The following CHRNB4 variants were observed in gnomAD, a reference collection of about 807,000 sequenced individuals.
CHRNB4 encodes the protein cholinergic receptor nicotinic beta 4 subunit, also known as neuronal acetylcholine receptor subunit beta-4.
CHRNB4 carries 23 observed loss-of-function variants against 40.4 expected under a neutral mutation model. The observed-to-expected ratio is 0.57, with a 90% CI of 0.41 to 0.81. CHRNB4 has a LOEUF of 0.81. Ranked by LOEUF, CHRNB4 falls within the 30% of genes least tolerant of loss-of-function variation. The pLI, the probability that CHRNB4 is intolerant of heterozygous loss-of-function variation, is 0.00. For synonymous variants in CHRNB4, 285 were observed against 274.4 expected (o/e 1.04, Z -0.38); for missense variants, 568 against 670.6 (o/e 0.85, Z 1.69).
In CHRNB4 at chr15:78,629,974, C is replaced by G. The variant is rs776890919; in HGVS notation, c.360-29G>C. ...GGCAGGGTCAGGGCATGGAGAACAT[C>G]GTGAAACCCATACACAAAACCTGGC... On this transcript the variant is annotated intron_variant, in intron 4 of 5. Transcript: ENST00000261751. The surrounding 1 kb of genome is among the most constrained non-coding windows in gnomAD (Gnocchi z 6.8). The G allele has an allele frequency of 6.6e-7, 1 of 1,521,056 alleles. No homozygotes were observed. Among genetic ancestry groups the G allele is most frequent in the Admixed American group, 2.1e-5 (1 of 46,940 alleles). The allele number at this position is 1,521,056 out of a possible 1,614,324, so 94.2% of individuals were successfully genotyped here. A position where few individuals can be genotyped will look rare whatever the true frequency, so the allele number is the denominator to read the frequency against.
At position 78,631,349 on chromosome 15, in the gene CHRNB4, G is replaced by A. The variant is rs767601970; in HGVS notation, c.205-17C>T. ...TCGCTCATTCTGGGGAGGGAAACGG[G>A]GCTATCAGTTCACCAGGAAGGAGGA... On this transcript the variant is annotated splice_polypyrimidine_tract_variant and intron_variant, in intron 2 of 5. Coordinates refer to ENST00000261751, the MANE Select transcript of CHRNB4 (RefSeq NM_000750.5). The A allele has an allele frequency of 6.2e-7, 1 of 1,612,080 alleles. No homozygotes were observed. The highest frequency in any genetic ancestry group is 2.2e-5 in the East Asian group (1 of 44,888).
chr15:78,637,017 G>A (rs1314254866), intron 1 of CHRNB4, among the ~76,000 whole-genome samples: 3 of 152,112 alleles, frequency 2.0e-5, no homozygotes, highest in African/African-American at 2.4e-5. Flanking sequence ...GGGATTTTCC[G>A]GGTTCAGACT....
intron 4 of CHRNB4, 59 bp from the exon 5 acceptor site, chr15:78,630,004 T>C: frequency 6.7e-7 from 1 of 1,490,726 alleles, no homozygotes; most frequent in Non-Finnish European, 8.9e-7. Flanking sequence ...CCTGGCCTGT[T>C]CTCAGAACTC....
At chr15:78,656,542 A>G (rs1169935560) in exon 4 of CHRNB4, 1 of 151,346 alleles carries the variant, frequency 6.6e-6, no homozygotes, top group South Asian at 2.1e-4. Context: ...GAATAAAGTA[A>G]CACAAAGCAA....
At position 78,635,477 on chromosome 15, in the gene CHRNB4, T is replaced by TG; in HGVS notation, c.165dup (p.Ile56HisfsTer15). The TG allele has an allele frequency of 6.2e-7, 1 of 1,614,114 alleles. No individual in the cohort carries two copies. The highest frequency in any genetic ancestry group is 8.5e-7 in the Non-Finnish European group (1 of 1,180,012). On this transcript the variant is annotated frameshift_variant, in exon 2 of 6. Coordinates refer to ENST00000261751, the MANE Select transcript of CHRNB4 (RefSeq NM_000750.5). LOFTEE classifies it high-confidence loss of function. ...TGGGCCAGGGAGAGCTGCAGCTTGA[T>TG]GGAGATGAGCTGTGAGGAGCTGGTG...
upstream of CHRNB4, chr15:78,641,307 T>A: frequency 1.9e-6 from 1 of 537,950 alleles, no homozygotes; most frequent in Non-Finnish European, 3.1e-6. Flanking sequence ...AGGGATGTAC[T>A]GGGCCCGCTG....
intron 5 of CHRNB4, among the ~76,000 whole-genome samples, chr15:78,628,499 G>A (rs2053711926): frequency 6.6e-6 from 1 of 152,164 alleles, no homozygotes; most frequent in South Asian, 2.1e-4. Flanking sequence ...TAAAGTCCTG[G>A]GGCTACCCTC....
chr15:78,629,975 G>A lies in CHRNB4; in HGVS notation c.360-30C>T, dbSNP rs768197596. 24 of 1,520,882 alleles carry A rather than the reference G, an allele frequency of 1.6e-5. No individual in the cohort carries two copies. The East Asian group carries it at 3.4e-4, about 22-fold the overall frequency. The allele number at this position is 1,520,882 out of a possible 1,614,324, so 94.2% of individuals were successfully genotyped here. ...GCAGGGTCAGGGCATGGAGAACATC[G>A]TGAAACCCATACACAAAACCTGGCC... On this transcript the variant is annotated intron_variant, in intron 4 of 5. Transcript: ENST00000261751. This position sits in a 1 kb window ranked among gnomAD's most constrained non-coding sequence, Gnocchi z 6.8.
chr15:78,634,289 G>T (rs947336164), intron 2 of CHRNB4, among the ~76,000 whole-genome samples: 1 of 152,188 alleles, frequency 6.6e-6, no homozygotes, highest in Admixed American at 6.5e-5. Flanking sequence ...AGAGCCTCCT[G>T]CTCGTTCACC....
intron 1 of CHRNB4, among the ~76,000 whole-genome samples, chr15:78,640,105 A>C (rs2054038004): frequency 6.6e-6 from 1 of 152,192 alleles, no homozygotes; most frequent in East Asian, 1.9e-4. Context: ...ACACACTCAC[A>C]GTTTAGAATT....
At chr15:78,642,690 G>A (rs1021650465), upstream of CHRNB4, among the ~76,000 whole-genome samples, 3 of 152,090 alleles carry the variant, frequency 2.0e-5, no homozygotes, top group Admixed American at 6.6e-5. Flanking sequence ...GCTAGCAAAG[G>A]GGATACGATG....
rs2053603123 is a variant in CHRNB4 at position 78,624,320 on chromosome 15, G to C, written c.*813C>G. ...AAGGAGGCAGGGTAACGTGACTGTA[G>C]GGAGGCTGCTTTAGAATGATTGGGT... is the stretch of plus-strand genomic sequence containing the variant. On this transcript the variant is annotated 3_prime_UTR_variant, in exon 6 of 6. Coordinates refer to ENST00000261751, the MANE Select transcript of CHRNB4 (RefSeq NM_000750.5). The C allele has an allele frequency of 6.5e-6, 1 of 152,708 alleles. No homozygotes were observed. The highest frequency in any genetic ancestry group is 2.4e-5 in the African/African-American group (1 of 41,418). 9.5% of individuals were successfully genotyped at this position (152,708 alleles called of 1,614,324 possible). A position where few individuals can be genotyped will look rare whatever the true frequency, so the allele number is the denominator to read the frequency against.
At chr15:78,647,526 C>T (rs536312419) in intron 7 of CHRNB4, among the ~76,000 whole-genome samples, 6 of 151,716 alleles carry the variant, frequency 4.0e-5, no homozygotes, top group African/African-American at 1.4e-4. Context: ...TCCTATACAT[C>T]AATAACAACA....
At chr15:78,636,152 C>A (rs1422234181) in intron 1 of CHRNB4, among the ~76,000 whole-genome samples, 13 of 152,146 alleles carry the variant, frequency 8.5e-5, no homozygotes, top group Admixed American at 7.2e-4. Flanking sequence ...GGTGATCCAC[C>A]CACATTGGCC....
Position 78,624,711 on chromosome 15 carries a change from G to T in CHRNB4, c.*422C>A. 2.6e-6 allele frequency: 1 copy of T among 387,202 alleles called. No individual in the cohort carries two copies. The highest frequency in any genetic ancestry group is 4.6e-6 in the Non-Finnish European group (1 of 218,968). 24.0% of individuals were successfully genotyped at this position (387,202 alleles called of 1,614,324 possible). A position where few individuals can be genotyped will look rare whatever the true frequency, so the allele number is the denominator to read the frequency against. On this transcript the variant is annotated 3_prime_UTR_variant, in exon 6 of 6. Coordinates refer to ENST00000261751, the MANE Select transcript of CHRNB4 (RefSeq NM_000750.5). The stretch of plus-strand genomic sequence containing the variant: ...CCGTTTAAAAGAAAAAAAAAAAGAT[G>T]ATGATATGGCAAATGCCAAGCCTCT...
chr15:78,630,207 C>T (rs1198980302), intron 4 of CHRNB4, among the ~76,000 whole-genome samples: 3 of 150,900 alleles, frequency 2.0e-5, no homozygotes, highest in Admixed American at 6.6e-5. Context: ...GGTGCAATCT[C>T]GGCTCACTGC....
intron 7 of CHRNB4, chr15:78,649,350 C>A: frequency 2.2e-6 from 1 of 445,882 alleles, no homozygotes; most frequent in Admixed American, 2.5e-5. Context: ...TCAACAAGAA[C>A]ACGGAGGAAT....
At chr15:78,630,337 C>T (rs528387443) in intron 4 of CHRNB4, among the ~76,000 whole-genome samples, 1 of 152,132 alleles carries the variant, frequency 6.6e-6, no homozygotes. Flanking sequence ...GGGGTTTCTC[C>T]ATGTTGATCG....
chr15:78,629,918 G>T lies in CHRNB4; in HGVS notation c.387C>A (p.Val129=). Residue 129 remains valine (V), a synonymous_variant, in exon 5 of 6, where the codon GTC becomes GTA. Coordinates refer to ENST00000261751, the MANE Select transcript of CHRNB4 (RefSeq NM_000750.5). This position sits in a 1 kb window ranked among gnomAD's most constrained non-coding sequence, Gnocchi z 6.8. The stretch of plus-strand genomic sequence containing the variant: ...TGGACCGGACTATCAAGTTGGTGTA[G>T]ACAGACACCTCATAGGTCCCGTCGG... ...NNADGTYEVS[V]YTNLIVRSNG... is the part of the protein sequence containing the mutation. The T allele has an allele frequency of 6.2e-7, 1 of 1,603,810 alleles. No homozygotes were observed. The highest frequency in any genetic ancestry group is 1.1e-5 in the South Asian group (1 of 90,312).
Sources: gnomAD v4.1 joint callset for allele counts (sites outside exome capture counted in the v4.1 genomes callset) on GRCh38, gnomAD v4.1.1 for gene constraint, Gnocchi (gnomAD v3.1) non-coding constraint, MANE v1.5 for transcripts, NCBI Gene and HGNC (gene_info 2026-07-23, HGNC 2026-07-21) for gene names.